TENM1: variants seen among roughly 807,000 people sequenced by gnomAD.
The protein encoded by TENM1 is teneurin-1.
Under a neutral mutation model 174.8 loss-of-function variants are expected in TENM1, and 35 were observed. The observed-to-expected ratio is 0.20, with a 90% CI of 0.15 to 0.27. The LOEUF (loss-of-function observed/expected upper bound fraction) is 0.27, where lower values mean the gene tolerates loss of function less well. Among genes scored for constraint, TENM1 ranks in the 10% least tolerant of loss-of-function variants. The pLI is 1.00. For synonymous variants in TENM1, 781 were observed against 798.7 expected, an observed-to-expected ratio of 0.98 and a Z score of 0.37; for missense variants, 1,633 against 2,130.1, an observed-to-expected ratio of 0.77 and a Z score of 4.59.
At chrX:124,867,173 A>G (rs765652613) in intron 3 of TENM1, among the ~76,000 whole-genome samples, 59 of 111,795 alleles carry the variant, frequency 5.3e-4, no homozygotes, top group African/African-American at 1.9e-3. Flanking sequence ...AAAACCAGAT[A>G]AAGACATATC....
intron 5 of TENM1, among the ~76,000 whole-genome samples, chrX:124,697,471 T>C (rs1173380683): frequency 1.8e-5 from 2 of 110,996 alleles, no homozygotes; most frequent in Non-Finnish European, 3.8e-5. Flanking sequence ...AATTTGTTAA[T>C]GGGCTTGTAA....
intron 14 of TENM1, among the ~76,000 whole-genome samples, chrX:124,555,897 T>C (rs776944857): frequency 5.0e-4 from 56 of 111,915 alleles, no homozygotes; most frequent in African/African-American, 9.7e-4. Context: ...GACATCTCAA[T>C]TGGTTCAGCT....
rs1407617537 is a variant in TENM1, at chrX:124,645,131, TG to T, written c.1876+11del. On this transcript the variant is annotated intron_variant, in intron 10 of 31. Transcript: ENST00000422452. ...AAAAGCCTGAAGCAATAGATTAAAA[TG>T]GGATTCTGACCTTCCTCGCATATTT... The T allele has an allele frequency of 8.3e-7, 1 of 1,203,370 alleles. No homozygotes were observed. Among genetic ancestry groups the T allele is most frequent in the African/African-American group, 1.7e-5 (1 of 57,604 alleles).
At chrX:124,440,965 A>G (rs934391907) in intron 23 of TENM1, among the ~76,000 whole-genome samples, 2 of 112,240 alleles carry the variant, frequency 1.8e-5, no homozygotes, top group Admixed American at 9.4e-5. Flanking sequence ...CCAAGGTTAC[A>G]TGTAATGCCA....
chrX:124,991,328 G>A, the TENM1 span, among the ~76,000 whole-genome samples: 2 of 111,072 alleles, frequency 1.8e-5, no homozygotes, highest in Admixed American at 1.9e-4. Flanking sequence ...CCAGTAGAGG[G>A]ATTTTGTAAT....
intron 1 of TENM1, among the ~76,000 whole-genome samples, chrX:124,924,168 G>T (rs1418763282): frequency 9.0e-6 from 1 of 111,415 alleles, no homozygotes; most frequent in African/African-American, 3.3e-5. Context: ...TTTTCGAATT[G>T]ACTTTTTGTC....
chrX:124,965,180 C>G (rs758766575), upstream of TENM1, among the ~76,000 whole-genome samples: 306 of 111,436 alleles, frequency 2.7e-3, no homozygotes, highest in Middle Eastern at 4.7e-3. Context: ...CGGGTTCACG[C>G]CATTCTTCTG....
At chrX:125,107,756 T>TA in the TENM1 span, among the ~76,000 whole-genome samples, 22 of 111,839 alleles carry the variant, frequency 2.0e-4, no homozygotes, top group Non-Finnish European at 3.0e-4. Context: ...CAGAGAGGTT[T>TA]AAAAAAAACT....
chrX:124,420,126 C>T (rs1185155549), intron 25 of TENM1, among the ~76,000 whole-genome samples, 185 bp downstream of exon 28: 1 of 111,710 alleles, frequency 9.0e-6, no homozygotes, highest in Non-Finnish European at 1.9e-5. Context: ...GCAAACTGCT[C>T]TGGAAAAATG....
At chrX:125,007,195 A>G in the TENM1 span, among the ~76,000 whole-genome samples, 1 of 111,822 alleles carries the variant, frequency 8.9e-6, no homozygotes, top group Admixed American at 9.5e-5. Flanking sequence ...GACCTGATGG[A>G]GCTGAAAAAT....
the TENM1 span, among the ~76,000 whole-genome samples, chrX:125,103,011 T>G: frequency 8.9e-6 from 1 of 112,174 alleles, no homozygotes; most frequent in Non-Finnish European, 1.9e-5. Context: ...GTATCCACGA[T>G]GAAAATCATT....
intron 5 of TENM1, among the ~76,000 whole-genome samples, chrX:124,701,321 T>C (rs1296832859): frequency 9.0e-6 from 1 of 111,613 alleles, no homozygotes; most frequent in African/African-American, 3.3e-5. Context: ...AATGTATTCA[T>C]GTGAGTTTCC....
At chrX:124,625,643 C>T (rs1184062569) in intron 11 of TENM1, among the ~76,000 whole-genome samples, 4 of 110,343 alleles carry the variant, frequency 3.6e-5, no homozygotes, top group African/African-American at 6.6e-5. Flanking sequence ...GGGGAGGCCT[C>T]GGGAAACTTA....
the TENM1 span, among the ~76,000 whole-genome samples, chrX:125,179,185 T>TC: frequency 9.0e-6 from 1 of 111,639 alleles, no homozygotes; most frequent in Non-Finnish European, 1.9e-5. Context: ...TTCTACCCCC[T>TC]CCCAGAGTTG....
intron 1 of TENM1, among the ~76,000 whole-genome samples, chrX:124,910,845 G>A (rs1163306284): frequency 9.0e-6 from 1 of 111,207 alleles, no homozygotes; most frequent in African/African-American, 3.3e-5. Context: ...CAGTATGTTA[G>A]CGAATCTGAA....
intron 11 of TENM1, among the ~76,000 whole-genome samples, chrX:124,634,753 G>C (rs1569355874): frequency 8.9e-6 from 1 of 111,753 alleles, no homozygotes; most frequent in East Asian, 2.8e-4. Flanking sequence ...TTCAATAAAC[G>C]GGAGAACTAA....
the TENM1 span, among the ~76,000 whole-genome samples, chrX:125,119,427 A>G: frequency 1.9e-5 from 2 of 103,331 alleles, no homozygotes; most frequent in African/African-American, 7.6e-5. Context: ...GACCTCACAA[A>G]AAACAATTCT....
intron 1 of TENM1, among the ~76,000 whole-genome samples, chrX:124,951,198 T>C (rs1400109989): frequency 8.9e-6 from 1 of 112,081 alleles, no homozygotes; most frequent in African/African-American, 3.2e-5. Context: ...CCTTGTTTAA[T>C]TGGAATATCT....
chrX:125,111,171 T>C, the TENM1 span, among the ~76,000 whole-genome samples: 2 of 112,304 alleles, frequency 1.8e-5, no homozygotes, highest in African/African-American at 6.5e-5. Context: ...TAACCATCAT[T>C]CACAACACTG....
Sources: gnomAD v4.1 joint callset for allele counts (sites outside exome capture counted in the v4.1 genomes callset) on GRCh38, gnomAD v4.1.1 for gene constraint, MANE v1.5 for transcripts, NCBI Gene and HGNC (gene_info 2026-07-23, HGNC 2026-07-21) for gene names.